The following PALM2AKAP2 variants were observed in gnomAD, a reference collection of about 807,000 sequenced individuals.
The protein encoded by PALM2AKAP2 is PALM2-AKAP2 fusion protein.
PALM2AKAP2 carries 37 observed loss-of-function variants against 71.5 expected under a neutral mutation model. The ratio of observed to expected loss-of-function variants is 0.52; its 90% CI spans 0.40 to 0.68. PALM2AKAP2 has a LOEUF of 0.68. Among genes scored for constraint, PALM2AKAP2 ranks in the 30% least tolerant of loss-of-function variants. PALM2AKAP2 has a pLI of 0.00. For missense variants in PALM2AKAP2, 1,224 were observed against 1,191.8 expected, an observed-to-expected ratio of 1.03 and a Z score of -0.40; for synonymous variants, 468 against 478.8, an observed-to-expected ratio of 0.98 and a Z score of 0.29.
chr9:109,830,902 T>G (rs1485590995), intron 1 of PALM2AKAP2, among the ~76,000 whole-genome samples: 2 of 152,084 alleles, frequency 1.3e-5, no homozygotes, highest in Non-Finnish European at 2.9e-5. Flanking sequence ...ATTTTTTCCC[T>G]CTGCAGTCTC....
intron 1 of PALM2AKAP2, among the ~76,000 whole-genome samples, chr9:109,658,844 T>TAATTTTTAAGAAAAAATTTTTAAGAAAA (rs1178352771): frequency 6.6e-6 from 1 of 152,232 alleles, no homozygotes; most frequent in Non-Finnish European, 1.5e-5. Context: ...GTAGAAAATC[T>TAATTTTTAAGAAAAAATTTTTAAGAAAA]AATTTTTAAG....
At chr9:109,855,075 C>T (rs1355832985) in intron 1 of PALM2AKAP2, among the ~76,000 whole-genome samples, 5 of 146,702 alleles carry the variant, frequency 3.4e-5, no homozygotes, top group African/African-American at 1.3e-4. Context: ...GTGCCCCCCC[C>T]TTTTTTTGGG....
chr9:110,088,704 T>TTTTTTTG, intron 1 of PALM2AKAP2, among the ~76,000 whole-genome samples: 1 of 12,812 alleles, frequency 7.8e-5, no homozygotes, highest in Non-Finnish European at 1.7e-4. Context: ...CATTTACGTG[T>TTTTTTTG]TTTTTTTTTT....
At chr9:109,872,293 A>T (rs1337112168) in intron 2 of PALM2AKAP2, among the ~76,000 whole-genome samples, 2 of 152,182 alleles carry the variant, frequency 1.3e-5, no homozygotes, top group Non-Finnish European at 2.9e-5. Flanking sequence ...TTTTTAAAAT[A>T]AATCAGCTAC....
intron 7 of PALM2AKAP2, among the ~76,000 whole-genome samples, chr9:110,026,028 G>A (rs1343479170): frequency 6.6e-6 from 1 of 152,018 alleles, no homozygotes; most frequent in East Asian, 1.9e-4. Context: ...TCCCTCTGCA[G>A]GGGTTGCATC....
chr9:109,990,342 G>A (rs1478141539), intron 6 of PALM2AKAP2, among the ~76,000 whole-genome samples: 2 of 152,152 alleles, frequency 1.3e-5, no homozygotes, highest in African/African-American at 4.8e-5. Context: ...CTACAGGCGT[G>A]AGCCACCGTG....
intron 6 of PALM2AKAP2, among the ~76,000 whole-genome samples, chr9:109,968,485 G>C (rs887148166): frequency 6.6e-6 from 1 of 152,160 alleles, no homozygotes; most frequent in South Asian, 2.1e-4. Flanking sequence ...CTCCGAAGAC[G>C]TCTAGCTATA....
chr9:109,925,471 G>A (rs1026032822), intron 5 of PALM2AKAP2, among the ~76,000 whole-genome samples: 1 of 152,108 alleles, frequency 6.6e-6, no homozygotes, highest in African/African-American at 2.4e-5. Context: ...TACGTGAGAA[G>A]TTTAAGAAAT....
At chr9:109,988,632 G>GAGGGAAGGAGGAAGGAAGGAAAAGA (rs1273171468) in intron 6 of PALM2AKAP2, among the ~76,000 whole-genome samples, 2 of 87,272 alleles carry the variant, frequency 2.3e-5, no homozygotes, top group Non-Finnish European at 6.2e-5. Flanking sequence ...CGAAGGGAGG[G>GAGGGAAGGAGGAAGGAAGGAAAAGA]AGGGAAGGAG....
chr9:109,744,423 C>T (rs925643757), intron 1 of PALM2AKAP2, among the ~76,000 whole-genome samples: 3 of 152,108 alleles, frequency 2.0e-5, no homozygotes, highest in Admixed American at 2.0e-4. Context: ...AAATATCTTG[C>T]AGATCTCAGC....
chr9:110,134,942 G>T (rs1477767814), intron 1 of PALM2AKAP2, among the ~76,000 whole-genome samples: 1 of 151,420 alleles, frequency 6.6e-6, no homozygotes, highest in Non-Finnish European at 1.5e-5. Context: ...ATATGAAAAA[G>T]AAAATCATCT....
intron 1 of PALM2AKAP2, among the ~76,000 whole-genome samples, chr9:110,070,870 A>G (rs146678101): frequency 7.9e-5 from 12 of 152,214 alleles, no homozygotes; most frequent in African/African-American, 2.4e-4. Context: ...GTTTCGAATT[A>G]GAAATTAGAG....
intron 6 of PALM2AKAP2, among the ~76,000 whole-genome samples, chr9:109,997,870 G>T (rs1290568052): frequency 6.6e-6 from 1 of 152,212 alleles, no homozygotes; most frequent in East Asian, 1.9e-4. Flanking sequence ...GAGGAAGCAG[G>T]CCCCATCAGC....
In PALM2AKAP2 at chr9:110,082,980, A is replaced by G. The variant is rs553741903; in HGVS notation, c.156+34125A>G. On this transcript the variant is annotated intron_variant, in intron 1 of 3. Coordinates refer to ENST00000374525, the Ensembl canonical transcript of PALM2AKAP2. The stretch of plus-strand genomic sequence containing the variant: ...AACATGGAGAAACCCCGTCTCTACT[A>G]AAAATACAAAATTAGCCAGGTGTGG... Among the ~76,000 whole-genome samples the G allele has an allele frequency of 2.6e-5, 4 of 152,188 alleles. No individual in the cohort carries two copies. The East Asian group carries it at 7.7e-4, about 29-fold the overall frequency.
chr9:109,650,906 A>C (rs1298492174), intron 1 of PALM2AKAP2, among the ~76,000 whole-genome samples: 1 of 152,242 alleles, frequency 6.6e-6, no homozygotes, highest in South Asian at 2.1e-4. Flanking sequence ...ATCTGTTGTT[A>C]TTATATATCT....
At chr9:109,863,586 C>T (rs1481736703) in intron 1 of PALM2AKAP2, among the ~76,000 whole-genome samples, 3 of 152,098 alleles carry the variant, frequency 2.0e-5, no homozygotes. Context: ...TGGTTTTGTC[C>T]TGGTTAAGGG....
chr9:109,797,844 A>G (rs1400441407), intron 1 of PALM2AKAP2, among the ~76,000 whole-genome samples: 1 of 152,182 alleles, frequency 6.6e-6, no homozygotes, highest in Non-Finnish European at 1.5e-5. Context: ...CACCAGGTAA[A>G]CACATCAGTG....
intron 3 of PALM2AKAP2, among the ~76,000 whole-genome samples, chr9:109,901,322 G>T (rs114642718): frequency 1.3e-5 from 2 of 152,192 alleles, no homozygotes; most frequent in African/African-American, 4.8e-5. Flanking sequence ...AGCTGAGAGG[G>T]GCTTAGCTCC....
At chr9:110,006,112 G>T (rs147309282) in intron 6 of PALM2AKAP2, among the ~76,000 whole-genome samples, 1 of 152,214 alleles carries the variant, frequency 6.6e-6, no homozygotes, top group East Asian at 1.9e-4. Context: ...TGTCTTCTGC[G>T]TCACTCATGC....
Sources: allele counts gnomAD v4.1 joint callset (sites outside exome capture counted in the v4.1 genomes callset), GRCh38; gene constraint gnomAD v4.1.1; transcripts MANE v1.5; gene names NCBI Gene and HGNC (gene_info 2026-07-23, HGNC 2026-07-21).